Variants in CTNNA2 observed in about 807,000 individuals in gnomAD.
The protein encoded by CTNNA2 is catenin alpha-2.
CTNNA2 carries 42 observed loss-of-function variants against 101.0 expected under a neutral mutation model. The ratio of observed to expected loss-of-function variants is 0.42; its 90% CI spans 0.32 to 0.54. The LOEUF (loss-of-function observed/expected upper bound fraction) is 0.54. Ranked by LOEUF, CTNNA2 falls within the 20% of genes least tolerant of loss-of-function variation. The probability of loss-of-function intolerance (pLI) is 0.14; values close to 1 mark genes in which losing one functional copy is unlikely to be tolerated. For missense variants in CTNNA2, 871 were observed against 1,223.1 expected (o/e 0.71, Z 4.29); for synonymous variants, 450 against 456.4 (o/e 0.99, Z 0.18).
Position 79,535,425 on chromosome 2 carries a change from C to T in CTNNA2, c.-6+22218C>T, listed in dbSNP as rs1031060586. 1.1e-4 allele frequency among the ~76,000 whole-genome samples: 17 copies of T among 151,952 alleles called. No individual in the cohort carries two copies. The East Asian group carries it at 2.1e-3, about 19-fold the overall frequency. The stretch of plus-strand genomic sequence containing the variant: ...TTCACCATGTTGGCCAGGCTGGTCT[C>T]GAACTCCTGACCTCGTGATCCGCCT... On this transcript the variant is annotated intron_variant, in intron 1 of 18. Coordinates refer to ENST00000402739, the MANE Select transcript of CTNNA2 (RefSeq NM_001282597.3).
chr2:80,006,111 C>T (rs2103988826), intron 7 of CTNNA2, among the ~76,000 whole-genome samples: 1 of 151,970 alleles, frequency 6.6e-6, no homozygotes. Context: ...ATAGTAGCTT[C>T]CTAATATTTA....
At chr2:79,676,702 C>G (rs1683207971) in intron 2 of CTNNA2, among the ~76,000 whole-genome samples, 1 of 152,106 alleles carries the variant, frequency 6.6e-6, no homozygotes, top group Non-Finnish European at 1.5e-5. Flanking sequence ...AATAGGAGCA[C>G]ACCATCAAGA....
At chr2:79,839,078 T>C (rs1392960155) in intron 3 of CTNNA2, among the ~76,000 whole-genome samples, 1 of 152,088 alleles carries the variant, frequency 6.6e-6, no homozygotes, top group African/African-American at 2.4e-5. Flanking sequence ...TGCAGTCCTC[T>C]GTACAAAAAG....
intron 2 of CTNNA2, among the ~76,000 whole-genome samples, chr2:79,705,488 A>C (rs1685295981): frequency 6.6e-6 from 1 of 151,758 alleles, no homozygotes; most frequent in Non-Finnish European, 1.5e-5. Flanking sequence ...AGTATTATCC[A>C]TGGTTTCAGG....
intron 2 of CTNNA2, among the ~76,000 whole-genome samples, chr2:79,737,047 A>C (rs1447133056): frequency 1.3e-5 from 2 of 152,152 alleles, no homozygotes; most frequent in Admixed American, 6.5e-5. Flanking sequence ...GGAAGGGTTT[A>C]CCTGTTAAAA....
At chr2:80,286,808 T>C (rs1474870284) in intron 7 of CTNNA2, among the ~76,000 whole-genome samples, 2 of 152,200 alleles carry the variant, frequency 1.3e-5, no homozygotes, top group Non-Finnish European at 2.9e-5. Flanking sequence ...ATTCATCCTA[T>C]TCTACCTTTG....
At chr2:80,329,119 C>T (rs1025819611) in intron 7 of CTNNA2, among the ~76,000 whole-genome samples, 9 of 152,112 alleles carry the variant, frequency 5.9e-5, no homozygotes, top group Non-Finnish European at 8.8e-5. Flanking sequence ...AGAAAGTTCC[C>T]GAGAATCACA....
At chr2:80,163,908 A>C (rs1012282984) in intron 7 of CTNNA2, among the ~76,000 whole-genome samples, 1 of 151,696 alleles carries the variant, frequency 6.6e-6, no homozygotes, top group African/African-American at 2.4e-5. Context: ...ACTTAATCTG[A>C]TATTAATATA....
rs567276615 is a variant in CTNNA2, at chr2:80,426,177, G to A, written c.1290+6576G>A. 5.3e-5 allele frequency among the ~76,000 whole-genome samples: 8 copies of A among 152,240 alleles called. No homozygotes were observed. The South Asian group carries it at 1.7e-3, about 32-fold the overall frequency. On this transcript the variant is annotated intron_variant, in intron 9 of 18. Coordinates refer to ENST00000402739, the MANE Select transcript of CTNNA2 (RefSeq NM_001282597.3). The stretch of plus-strand genomic sequence containing the variant: ...GGGGCCGACCCTGAGGGTATGCCGA[G>A]CTGATCCAGAAACACCTGTGGTACC...
intron 1 of CTNNA2, among the ~76,000 whole-genome samples, chr2:79,578,845 A>C (rs949840212): frequency 6.6e-6 from 1 of 151,320 alleles, no homozygotes; most frequent in African/African-American, 2.4e-5. Flanking sequence ...CCTTCCCTGT[A>C]GTCTTTTTGT....
At chr2:79,338,575 A>ATCCTCT (rs1239699778) in intron 3 of CTNNA2, among the ~76,000 whole-genome samples, 2 of 115,422 alleles carry the variant, frequency 1.7e-5, no homozygotes, top group Admixed American at 9.3e-5. Flanking sequence ...CTTCCTCCTC[A>ATCCTCT]TCATCTTCTT....
intron 7 of CTNNA2, chr2:80,313,689 A>T (rs771824078): frequency 1.3e-6 from 2 of 1,498,358 alleles, no homozygotes; most frequent in African/African-American, 2.8e-5. Context: ...AGGAGTGTGA[A>T]TTTAGTGCCA....
At chr2:80,085,969 G>C (rs190526412) in intron 7 of CTNNA2, among the ~76,000 whole-genome samples, 1 of 152,024 alleles carries the variant, frequency 6.6e-6, no homozygotes, top group South Asian at 2.1e-4. Context: ...TAGCAAGAAA[G>C]TATAGCTCTG....
At chr2:80,009,694 A>T (rs1386005972) in intron 7 of CTNNA2, among the ~76,000 whole-genome samples, 1 of 151,354 alleles carries the variant, frequency 6.6e-6, no homozygotes, top group Non-Finnish European at 1.5e-5. Flanking sequence ...GGATACTAGA[A>T]AAAATGTAGA....
At chr2:80,314,103 T>C (rs528290032) in intron 7 of CTNNA2, among the ~76,000 whole-genome samples, 28 of 152,294 alleles carry the variant, frequency 1.8e-4, no homozygotes, top group African/African-American at 6.5e-4. Context: ...AGGGAGTCCC[T>C]GGAATGTGCT....
chr2:80,386,034 T>G (rs1676962421), intron 7 of CTNNA2, among the ~76,000 whole-genome samples: 1 of 151,932 alleles, frequency 6.6e-6, no homozygotes, highest in South Asian at 2.1e-4. Flanking sequence ...TCTGAGCCAG[T>G]CCTGCTTTGC....
At chr2:79,660,808 A>T (rs1681983140) in intron 2 of CTNNA2, among the ~76,000 whole-genome samples, 1 of 152,168 alleles carries the variant, frequency 6.6e-6, no homozygotes. Context: ...AAACTTGAGT[A>T]ATGTACAGAA....
At chr2:79,523,788 A>C (rs988453493) in intron 1 of CTNNA2, among the ~76,000 whole-genome samples, 1 of 152,170 alleles carries the variant, frequency 6.6e-6, no homozygotes, top group African/African-American at 2.4e-5. Context: ...ATGAATAGGT[A>C]AGAAGAATAC....
At chr2:79,743,306 T>C (rs867890409) in intron 2 of CTNNA2, among the ~76,000 whole-genome samples, 3 of 152,156 alleles carry the variant, frequency 2.0e-5, no homozygotes, top group East Asian at 3.9e-4. Context: ...GGAGATAACA[T>C]GTTGCTCAAA....
Sources: gnomAD v4.1 joint callset for allele counts (sites outside exome capture counted in the v4.1 genomes callset) on GRCh38, gnomAD v4.1.1 for gene constraint, MANE v1.5 for transcripts, NCBI Gene and HGNC (gene_info 2026-07-23, HGNC 2026-07-21) for gene names.